Variants in PHACTR1 observed in about 807,000 individuals in gnomAD.
The protein encoded by PHACTR1 is phosphatase and actin regulator 1, also known as RPEL repeat containing 1.
PHACTR1 carries 16 observed loss-of-function variants against 69.2 expected under a neutral mutation model. That is an observed-to-expected ratio of 0.23 (90% CI 0.16 to 0.35). PHACTR1 has a LOEUF of 0.35. PHACTR1 is among the 10% of genes least tolerant of loss of function. The probability of loss-of-function intolerance (pLI) is 1.00; values close to 1 mark genes in which losing one functional copy is unlikely to be tolerated. For missense variants in PHACTR1, 510 were observed against 734.7 expected (o/e 0.69, Z 3.54); for synonymous variants, 312 against 284.5 (o/e 1.10, Z -0.97).
At chr6:12,883,967 T>G (rs533121073) in intron 4 of PHACTR1, among the ~76,000 whole-genome samples, 2 of 151,666 alleles carry the variant, frequency 1.3e-5, no homozygotes, top group Middle Eastern at 3.2e-3. Flanking sequence ...CAGTCACACA[T>G]GTACCCACAT....
intron 4 of PHACTR1, among the ~76,000 whole-genome samples, chr6:12,801,585 G>A (rs972417204): frequency 1.3e-5 from 2 of 152,206 alleles, no homozygotes; most frequent in Non-Finnish European, 2.9e-5. Flanking sequence ...GGAATTAATT[G>A]CAGAGAAGGA....
chr6:12,870,556 T>C (rs1278301905), intron 4 of PHACTR1, among the ~76,000 whole-genome samples: 1 of 152,226 alleles, frequency 6.6e-6, no homozygotes, highest in Admixed American at 6.5e-5. Context: ...ATTTGAAGGG[T>C]CTGTGTCTCT....
At chr6:12,936,452 G>A (rs990078007) in intron 4 of PHACTR1, among the ~76,000 whole-genome samples, 1 of 152,202 alleles carries the variant, frequency 6.6e-6, no homozygotes, top group African/African-American at 2.4e-5. Context: ...GAAGTCTTTT[G>A]TACGCACTGA....
chr6:12,822,619 C>T (rs1776346413), intron 4 of PHACTR1, among the ~76,000 whole-genome samples: 1 of 152,198 alleles, frequency 6.6e-6, no homozygotes, highest in Admixed American at 6.5e-5. Flanking sequence ...GTTAGAGGAG[C>T]CGGGGCATCT....
intron 6 of PHACTR1, among the ~76,000 whole-genome samples, chr6:13,173,937 G>A (rs1760971935): frequency 1.3e-5 from 2 of 152,132 alleles, no homozygotes; most frequent in South Asian, 4.1e-4. Context: ...TCGATCTCTT[G>A]ACCTCGTGAT....
intron 4 of PHACTR1, among the ~76,000 whole-genome samples, chr6:12,754,128 A>ATTTTTTTTTTTTT (rs34841058): frequency 8.9e-6 from 1 of 112,426 alleles, no homozygotes; most frequent in African/African-American, 3.4e-5. Flanking sequence ...ACGCCTGGCT[A>ATTTTTTTTTTTTT]TTTTTTTTTT....
intron 8 of PHACTR1, among the ~76,000 whole-genome samples, chr6:13,208,090 A>G (rs1021098001): frequency 6.6e-6 from 1 of 152,248 alleles, no homozygotes; most frequent in Non-Finnish European, 1.5e-5. Context: ...GTTATTAATT[A>G]GAACAATAAT....
At chr6:13,146,200 T>C (rs1823325427) in intron 5 of PHACTR1, among the ~76,000 whole-genome samples, 1 of 152,190 alleles carries the variant, frequency 6.6e-6, no homozygotes, top group South Asian at 2.1e-4. Context: ...CTACATAAAG[T>C]ACTATGTGGA....
At chr6:12,749,156 G>A (rs894938271) in intron 3 of PHACTR1, among the ~76,000 whole-genome samples, 1 of 152,252 alleles carries the variant, frequency 6.6e-6, no homozygotes, top group African/African-American at 2.4e-5. Context: ...CAGCCTGTGG[G>A]TGAAGGAGAC....
intron 4 of PHACTR1, among the ~76,000 whole-genome samples, chr6:12,955,104 T>C (rs9473082): frequency 0.081 from 12,275 of 151,744 alleles, 1,117 homozygotes; most frequent in African/African-American, 0.23. Context: ...TTAAATAAGA[T>C]ATATTACAAA....
chr6:12,923,924 C>T (rs1464323701), intron 4 of PHACTR1, among the ~76,000 whole-genome samples: 2 of 152,186 alleles, frequency 1.3e-5, no homozygotes, highest in Non-Finnish European at 1.5e-5. Flanking sequence ...TTGTTTGCCT[C>T]TCTAAACACC....
intron 4 of PHACTR1, among the ~76,000 whole-genome samples, chr6:12,903,139 G>A (rs1472900158): frequency 6.6e-6 from 1 of 152,180 alleles, no homozygotes; most frequent in African/African-American, 2.4e-5. Context: ...CATTACCTGG[G>A]AGACTTGGCC....
intron 4 of PHACTR1, among the ~76,000 whole-genome samples, chr6:12,858,493 G>C (rs145735826): frequency 6.6e-6 from 1 of 152,240 alleles, no homozygotes; most frequent in African/African-American, 2.4e-5. Context: ...TAAGTTTGGA[G>C]ATAAAGTCTA....
intron 4 of PHACTR1, among the ~76,000 whole-genome samples, chr6:12,910,035 C>T (rs1222166393): frequency 6.6e-6 from 1 of 152,216 alleles, no homozygotes; most frequent in Non-Finnish European, 1.5e-5. Flanking sequence ...GAGAACAGAG[C>T]TGCTTAATCT....
chr6:12,980,282 G>T (rs1047725179), intron 4 of PHACTR1, among the ~76,000 whole-genome samples: 3 of 152,114 alleles, frequency 2.0e-5, no homozygotes, highest in Non-Finnish European at 4.4e-5. Flanking sequence ...ATGCTAAAAG[G>T]TTTATTATTT....
intron 4 of PHACTR1, among the ~76,000 whole-genome samples, chr6:12,785,423 G>A (rs543267917): frequency 1.4e-4 from 22 of 152,328 alleles, no homozygotes; most frequent in African/African-American, 5.3e-4. Flanking sequence ...TGCTCAGGAA[G>A]GAAACCTTAG....
intron 4 of PHACTR1, among the ~76,000 whole-genome samples, chr6:12,774,487 G>A (rs745768060): frequency 1.3e-4 from 20 of 152,086 alleles, no homozygotes; most frequent in Non-Finnish European, 2.2e-4. Context: ...CGCCTCCAGG[G>A]TTCAAGCAAT....
At chr6:13,185,197 AT>A (rs764968581) in intron 7 of PHACTR1, among the ~76,000 whole-genome samples, 2 of 152,218 alleles carry the variant, frequency 1.3e-5, no homozygotes, top group Non-Finnish European at 2.9e-5. Context: ...GTCAAGCAGC[AT>A]TTGATATCCA....
At chr6:12,909,605 C>A (rs1235011835) in intron 4 of PHACTR1, among the ~76,000 whole-genome samples, 3 of 152,170 alleles carry the variant, frequency 2.0e-5, no homozygotes, top group African/African-American at 7.2e-5. Flanking sequence ...GTGAAAACAA[C>A]CTTGCTCATT....
Sources: allele counts gnomAD v4.1 joint callset (sites outside exome capture counted in the v4.1 genomes callset), GRCh38; gene constraint gnomAD v4.1.1; transcripts MANE v1.5; gene names NCBI Gene and HGNC (gene_info 2026-07-23, HGNC 2026-07-21).